The following DLG2 variants were observed in gnomAD, a reference collection of about 807,000 sequenced individuals.
DLG2 encodes discs large MAGUK scaffold protein 2.
Under a neutral mutation model 132.5 loss-of-function variants are expected in DLG2, and 45 were observed. The ratio of observed to expected loss-of-function variants is 0.34; its 90% CI spans 0.27 to 0.44. The LOEUF (loss-of-function observed/expected upper bound fraction) is 0.44. Ranked by LOEUF, DLG2 falls within the 20% of genes least tolerant of loss-of-function variation. The pLI is 1.00. For synonymous variants in DLG2, 424 were observed against 419.6 expected (o/e 1.01, Z -0.13); for missense variants, 1,045 against 1,196.9 (o/e 0.87, Z 1.87).
At chr11:83,479,686 A>G (rs994926878) in intron 22 of DLG2, among the ~76,000 whole-genome samples, 3 of 152,122 alleles carry the variant, frequency 2.0e-5, no homozygotes, top group African/African-American at 7.2e-5. Flanking sequence ...GCTTGAGGTG[A>G]CCAAACAAAG....
intron 8 of DLG2, among the ~76,000 whole-genome samples, chr11:84,228,310 A>G (rs753677314): frequency 5.9e-5 from 9 of 152,188 alleles, no homozygotes; most frequent in Non-Finnish European, 1.0e-4. Context: ...TTTAGGGACT[A>G]ATTGTTCTCA....
At chr11:85,239,692 G>A (rs534164861) in intron 4 of DLG2, among the ~76,000 whole-genome samples, 92 of 151,954 alleles carry the variant, frequency 6.1e-4, no homozygotes, top group Non-Finnish European at 1.0e-3. Context: ...TTTTCCCTCA[G>A]TATTACATTG....
intron 20 of DLG2, among the ~76,000 whole-genome samples, chr11:83,536,853 G>C (rs1249215667): frequency 1.3e-5 from 2 of 152,168 alleles, no homozygotes; most frequent in African/African-American, 4.8e-5. Flanking sequence ...CCCATAAAAA[G>C]TGATTTGCCA....
intron 18 of DLG2, among the ~76,000 whole-genome samples, chr11:83,732,900 T>C (rs995549627): frequency 4.6e-5 from 7 of 152,140 alleles, no homozygotes; most frequent in Non-Finnish European, 1.5e-5. Context: ...TGCTTCTCCA[T>C]AACTGAACCA....
intron 18 of DLG2, among the ~76,000 whole-genome samples, chr11:83,685,862 A>G (rs151154186): frequency 2.8e-4 from 43 of 152,244 alleles, no homozygotes; most frequent in African/African-American, 9.6e-4. Flanking sequence ...CCCAGTATGC[A>G]CCATTTAAAT....
intron 7 of DLG2, among the ~76,000 whole-genome samples, chr11:84,385,612 A>C (rs950318466): frequency 2.0e-5 from 3 of 152,080 alleles, no homozygotes; most frequent in African/African-American, 7.2e-5. Context: ...ATTCTAGAGA[A>C]CCAGGACCCT....
chr11:84,663,247 A>ATT (rs1360878163), intron 6 of DLG2, among the ~76,000 whole-genome samples: 26 of 79,652 alleles, frequency 3.3e-4, no homozygotes, highest in Middle Eastern at 6.1e-3. Flanking sequence ...ATATATATAT[A>ATT]TATTTTTTTT....
At chr11:84,806,407 A>C (rs187899494) in intron 6 of DLG2, among the ~76,000 whole-genome samples, 8 of 152,338 alleles carry the variant, frequency 5.3e-5, no homozygotes, top group Admixed American at 2.0e-4. Context: ...ATGAAAACTA[A>C]AGATAAAAAA....
intron 15 of DLG2, among the ~76,000 whole-genome samples, chr11:83,908,744 T>TC (rs902165885): frequency 1.1e-4 from 16 of 152,160 alleles, no homozygotes; most frequent in Non-Finnish European, 1.8e-4. Flanking sequence ...TGCAGCATTT[T>TC]TTTTTTTAAG....
intron 9 of DLG2, among the ~76,000 whole-genome samples, chr11:84,112,765 T>C (rs897549704): frequency 1.3e-5 from 2 of 152,178 alleles, no homozygotes. Flanking sequence ...GGGATGGGAA[T>C]GGACACTTGC....
At chr11:84,989,390 G>A (rs573270717) in intron 6 of DLG2, among the ~76,000 whole-genome samples, 24 of 152,146 alleles carry the variant, frequency 1.6e-4, no homozygotes, top group African/African-American at 5.8e-4. Flanking sequence ...TGGCCGGGGT[G>A]GTCTCAAACT....
intron 8 of DLG2, among the ~76,000 whole-genome samples, chr11:84,195,940 C>T (rs920593442): frequency 5.9e-5 from 9 of 152,132 alleles, no homozygotes; most frequent in African/African-American, 2.2e-4. Flanking sequence ...GGACATAGAA[C>T]TCCTGACACA....
chr11:84,597,367 A>G (rs1272044724), intron 6 of DLG2, among the ~76,000 whole-genome samples: 1 of 152,236 alleles, frequency 6.6e-6, no homozygotes, highest in African/African-American at 2.4e-5. Flanking sequence ...TATGACCACT[A>G]TTATTATTAG....
At chr11:84,591,493 C>T (rs1050708802) in intron 6 of DLG2, among the ~76,000 whole-genome samples, 13 of 151,418 alleles carry the variant, frequency 8.6e-5, no homozygotes, top group Non-Finnish European at 1.6e-4. Context: ...ATGAGAAAAC[C>T]CTGTTTCTAC....
chr11:84,486,383 CT>C (rs1367393237), intron 7 of DLG2, among the ~76,000 whole-genome samples: 1 of 152,094 alleles, frequency 6.6e-6, no homozygotes, highest in Non-Finnish European at 1.5e-5. Flanking sequence ...TTTTTCTCCT[CT>C]GATTAAATTA....
chr11:85,111,617 A>C (rs1226333701), intron 6 of DLG2, 44 bp downstream of exon 6: 10 of 1,462,768 alleles, frequency 6.8e-6, no homozygotes, highest in Non-Finnish European at 9.2e-6. Context: ...AAATATAAAA[A>C]CATTTATCCT....
intron 6 of DLG2, among the ~76,000 whole-genome samples, chr11:85,099,660 G>T (rs539229291): frequency 3.9e-5 from 6 of 152,040 alleles, no homozygotes; most frequent in Non-Finnish European, 8.8e-5. Flanking sequence ...TTTTCAAGTG[G>T]GATTATTCGC....
At chr11:84,503,682 G>C (rs532154003) in intron 7 of DLG2, among the ~76,000 whole-genome samples, 1 of 152,290 alleles carries the variant, frequency 6.6e-6, no homozygotes, top group South Asian at 2.1e-4. Context: ...AAGTTAAAAT[G>C]ATAGATGGTC....
At position 84,784,263 on chromosome 11, in the gene DLG2, T is replaced by C. The variant is rs370693298; in HGVS notation, c.358-249532A>G. Reference sequence around the variant, plus strand: ...TGATCCCGGGTGGTGGAGGTTTCAGTGAGCCGAGATTGCACCATTGCATTT... The same window carrying C: ...TGATCCCGGGTGGTGGAGGTTTCAGCGAGCCGAGATTGCACCATTGCATTT... On this transcript the variant is annotated intron_variant, in intron 6 of 27. Transcript: ENST00000376104. Among the ~76,000 whole-genome samples the C allele has an allele frequency of 7.6e-5, 11 of 145,570 alleles. No homozygotes were observed. The East Asian group carries it at 1.6e-3, about 21-fold the overall frequency.
Sources: gnomAD v4.1 joint callset for allele counts (sites outside exome capture counted in the v4.1 genomes callset) on GRCh38, gnomAD v4.1.1 for gene constraint, MANE v1.5 for transcripts, NCBI Gene and HGNC (gene_info 2026-07-23, HGNC 2026-07-21) for gene names.